The following SCARA5 variants were observed in gnomAD, a reference collection of about 807,000 sequenced individuals.
The protein encoded by SCARA5 is scavenger receptor class A member 5.
Under a neutral mutation model 46.3 loss-of-function variants are expected in SCARA5, and 45 were observed. That is an observed-to-expected ratio of 0.97 (90% CI 0.76 to 1.24). The LOEUF (loss-of-function observed/expected upper bound fraction) is 1.24. SCARA5 is among the 50% of genes most tolerant of loss of function. The pLI is 0.00. For missense variants in SCARA5, 680 were observed against 689.0 expected, an observed-to-expected ratio of 0.99 and a Z score of 0.15; for synonymous variants, 333 against 306.5, an observed-to-expected ratio of 1.09 and a Z score of -0.90.
chr8:27,968,883 T>C (rs1808408237), intron 2 of SCARA5, among the ~76,000 whole-genome samples: 1 of 152,196 alleles, frequency 6.6e-6, no homozygotes. Context: ...AGGCTTCTAT[T>C]TAATAGCAAG....
intron 3 of SCARA5, among the ~76,000 whole-genome samples, chr8:27,931,818 C>T (rs1807778243): frequency 6.6e-6 from 1 of 151,958 alleles, no homozygotes; most frequent in Non-Finnish European, 1.5e-5. Flanking sequence ...CCACGCCTGG[C>T]TAATTTTTGT....
intron 3 of SCARA5, among the ~76,000 whole-genome samples, chr8:27,952,055 G>GTGGTCCTAAA (rs6150520): frequency 6.6e-6 from 1 of 152,012 alleles, no homozygotes; most frequent in African/African-American, 2.4e-5. Flanking sequence ...TTGGGTTGGG[G>GTGGTCCTAAA]ACCAATATGA....
intron 5 of SCARA5, among the ~76,000 whole-genome samples, chr8:27,908,338 G>GCGGTGA (rs79896587): frequency 0.13 from 20,370 of 152,140 alleles, 1,615 homozygotes; most frequent in East Asian, 0.35. Flanking sequence ...GCCACCTCCT[G>GCGGTGA]CGGTGACGGT....
Position 27,984,579 on chromosome 8 carries a change from CCCATCCATTCATTCAT to C in SCARA5, c.112+2909_112+2924del, listed in dbSNP as rs1267840584. 4.4e-5 allele frequency among the ~76,000 whole-genome samples: 6 copies of C among 135,590 alleles called. No homozygotes were observed. The East Asian group carries it at 6.5e-4, about 15-fold the overall frequency. The allele number at this position is 135,590 out of a possible 152,430, so 89.0% of individuals were successfully genotyped here. On this transcript the variant is annotated intron_variant, in intron 2 of 8. Transcript: ENST00000354914. ...ATTCATTCACCCATCCATTCATTCA[CCCATCCATTCATTCAT>C]CCATCCATTCATCCATCCATCCATG... is the stretch of plus-strand genomic sequence containing the variant.
chr8:27,922,695 T>G (rs1190070900), intron 3 of SCARA5, among the ~76,000 whole-genome samples: 3 of 152,206 alleles, frequency 2.0e-5, no homozygotes, highest in Admixed American at 1.3e-4. Context: ...TTGGGTGGTG[T>G]TATCCTCTCA....
intron 7 of SCARA5, among the ~76,000 whole-genome samples, chr8:27,901,293 G>A (rs76760392): frequency 0.011 from 1,627 of 152,168 alleles, 68 homozygotes; most frequent in East Asian, 0.1. Context: ...CTAACGGCAC[G>A]GGCTTCAGAG....
intron 7 of SCARA5, among the ~76,000 whole-genome samples, chr8:27,889,263 TA>T (rs1310564649): frequency 2.0e-5 from 3 of 152,232 alleles, no homozygotes; most frequent in African/African-American, 7.2e-5. Context: ...CAACTTCCAT[TA>T]GCTTAGTTGT....
chr8:27,935,002 G>A (rs895796585), intron 3 of SCARA5, among the ~76,000 whole-genome samples: 2 of 152,172 alleles, frequency 1.3e-5, no homozygotes, highest in South Asian at 2.1e-4. Context: ...ACTTCATTTT[G>A]ATCAAGTACC....
At chr8:27,948,725 A>G (rs1323031954) in intron 3 of SCARA5, among the ~76,000 whole-genome samples, 3 of 152,230 alleles carry the variant, frequency 2.0e-5, no homozygotes, top group African/African-American at 7.2e-5. Flanking sequence ...TCCAAGACTG[A>G]AAGGGGAGGA....
intron 8 of SCARA5, among the ~76,000 whole-genome samples, chr8:27,875,033 T>A (rs1461097471): frequency 2.0e-5 from 3 of 152,180 alleles, no homozygotes; most frequent in Non-Finnish European, 2.9e-5. Flanking sequence ...CCAGGAGAAA[T>A]GTTATGGTGC....
At chr8:27,898,526 T>A (rs1382816774) in intron 7 of SCARA5, among the ~76,000 whole-genome samples, 1 of 152,252 alleles carries the variant, frequency 6.6e-6, no homozygotes, top group Non-Finnish European at 1.5e-5. Context: ...GGTCTTCATC[T>A]CCAGCTCCCA....
intron 4 of SCARA5, among the ~76,000 whole-genome samples, chr8:27,919,540 A>G (rs897594053): frequency 6.6e-6 from 1 of 151,282 alleles, no homozygotes; most frequent in Non-Finnish European, 1.5e-5. Context: ...AATGGGCTAG[A>G]CCTGCCATAA....
intron 6 of SCARA5, among the ~76,000 whole-genome samples, chr8:27,906,408 G>A (rs1807262604): frequency 6.6e-6 from 1 of 152,230 alleles, no homozygotes; most frequent in Non-Finnish European, 1.5e-5. Context: ...GAACATTTTT[G>A]GCACTGTAAA....
chr8:27,925,214 A>C (rs866347371), intron 3 of SCARA5, among the ~76,000 whole-genome samples: 1 of 152,216 alleles, frequency 6.6e-6, no homozygotes, highest in African/African-American at 2.4e-5. Context: ...AGCTGGAGGC[A>C]TCATGCTACC....
chr8:27,926,786 A>AGGTTCTGAGG (rs1807687712), intron 3 of SCARA5, among the ~76,000 whole-genome samples: 1 of 152,040 alleles, frequency 6.6e-6, no homozygotes, highest in Non-Finnish European at 1.5e-5. Context: ...AGGTTCTGAG[A>AGGTTCTGAGG]GGTTTGTGCC....
intron 3 of SCARA5, among the ~76,000 whole-genome samples, chr8:27,963,391 G>A (rs970860275): frequency 3.5e-4 from 53 of 152,198 alleles, no homozygotes; most frequent in Non-Finnish European, 2.9e-5. Flanking sequence ...AATAGGGAAC[G>A]GTCAGCCAAG....
chr8:27,983,754 GC>G (rs1808659009), intron 2 of SCARA5, among the ~76,000 whole-genome samples: 1 of 152,160 alleles, frequency 6.6e-6, no homozygotes, highest in Admixed American at 6.5e-5. Flanking sequence ...ATCACACCCA[GC>G]AGGAACACTG....
intron 2 of SCARA5, among the ~76,000 whole-genome samples, chr8:27,972,820 C>A (rs1808467130): frequency 6.6e-6 from 1 of 151,888 alleles, no homozygotes; most frequent in South Asian, 2.1e-4. Context: ...GCTGTGTCAC[C>A]ACTGCACTCC....
chr8:27,872,175 C>G (rs1563508137), intron 8 of SCARA5, 105 bp from the exon 9 acceptor site: 1 of 1,219,574 alleles, frequency 8.2e-7, no homozygotes, highest in Non-Finnish European at 1.2e-6. Context: ...GCTGTACACT[C>G]AAACCTAGGG....
Sources: allele counts gnomAD v4.1 joint callset (sites outside exome capture counted in the v4.1 genomes callset), GRCh38; gene constraint gnomAD v4.1.1; transcripts MANE v1.5; gene names NCBI Gene and HGNC (gene_info 2026-07-23, HGNC 2026-07-21).